Variants in LAMA4 observed in about 807,000 individuals in gnomAD.
LAMA4 encodes laminin subunit alpha 4.
Under a neutral mutation model 207.1 loss-of-function variants are expected in LAMA4, and 127 were observed. The observed-to-expected ratio is 0.61, with a 90% CI of 0.53 to 0.71. The LOEUF (loss-of-function observed/expected upper bound fraction) is 0.71, where lower values mean the gene tolerates loss of function less well. Among genes scored for constraint, LAMA4 ranks in the 30% least tolerant of loss-of-function variants. LAMA4 has a pLI of 0.00. For synonymous variants in LAMA4, 761 were observed against 816.0 expected (o/e 0.93, Z 1.15); for missense variants, 2,093 against 2,246.5 (o/e 0.93, Z 1.38).
At position 112,214,732 on chromosome 6, in the gene LAMA4, T is replaced by C. The variant is rs78147448; in HGVS notation, c.297+1636A>G. On this transcript the variant is annotated intron_variant, in intron 3 of 38. Coordinates refer to ENST00000230538, the MANE Select transcript of LAMA4 (RefSeq NM_001105206.3). Reference sequence around the variant, plus strand: ...CAGCTTCACTGAGTGCACATGTAAATGTGTATATGCTAGCCCATCCCTAAA... The same window carrying C: ...CAGCTTCACTGAGTGCACATGTAAACGTGTATATGCTAGCCCATCCCTAAA... Among the ~76,000 whole-genome samples the C allele has an allele frequency of 6.5e-4, 99 of 152,294 alleles. 2 individuals are homozygous for C. The East Asian group carries it at 0.018, about 28-fold the overall frequency.
chr6:112,124,463 T>A (rs940022200), intron 31 of LAMA4, among the ~76,000 whole-genome samples: 2 of 152,204 alleles, frequency 1.3e-5, no homozygotes, highest in Admixed American at 1.3e-4. Flanking sequence ...CAGATACACA[T>A]TCACACTCTT....
chr6:112,196,775 T>C (rs1783443704), intron 5 of LAMA4, among the ~76,000 whole-genome samples: 2 of 152,196 alleles, frequency 1.3e-5, no homozygotes, highest in Non-Finnish European at 1.5e-5. Flanking sequence ...TGTCACTACA[T>C]AGTACCTTTT....
Position 112,190,932 on chromosome 6 carries a change from TTTCTTTCTTTCTTTCCTTTCTTTC to T in LAMA4, c.718+680_718+703del, listed in dbSNP as rs1562714456. On this transcript the variant is annotated intron_variant, in intron 6 of 38. Transcript: ENST00000230538. ...CTTTCTTTCTTTCTTTCTTTCTTTC[TTTCTTTCTTTCTTTCCTTTCTTTC>T]TTTCTTTCTTTCTTTCTTTCTTTCT... Among the ~76,000 whole-genome samples, 201 of 88,800 alleles carry T rather than the reference TTTCTTTCTTTCTTTCCTTTCTTTC, an allele frequency of 2.3e-3. 1 individual carries two copies. The highest frequency in any genetic ancestry group is 6.9e-3 in the South Asian group (15 of 2,168). The allele number at this position is 88,800 out of a possible 152,430, so 58.3% of individuals were successfully genotyped here.
Position 112,141,422 on chromosome 6 carries a change from T to A in LAMA4, c.2749A>T (p.Ile917Phe). ...VYNLGTKDVE[I>F]PLDSKPVSSW... The stretch of plus-strand genomic sequence containing the variant: ...CTGACGGGCTTGGAGTCCAGGGGAA[T>A]CTCCACATCTTTAGTTCCCAAATTA... Residue 917 changes from isoleucine to phenylalanine, a missense_variant, in exon 21 of 39, where the codon ATT (isoleucine) becomes TTT (phenylalanine). Physicochemically the swap from Ile to Phe is conservative, Grantham distance 21 (BLOSUM62 0). This residue lies in a region of LAMA4 where 1,704 missense variants were observed against 1,788.4 expected (regional missense o/e 0.95). Coordinates refer to ENST00000230538, the MANE Select transcript of LAMA4 (RefSeq NM_001105206.3). The A allele has an allele frequency of 6.2e-7, 1 of 1,613,436 alleles. No individual in the cohort carries two copies. The highest frequency in any genetic ancestry group is 8.5e-7 in the Non-Finnish European group (1 of 1,179,370).
intron 2 of LAMA4, among the ~76,000 whole-genome samples, chr6:112,252,711 A>G (rs1207418595): frequency 3.3e-5 from 5 of 152,172 alleles, no homozygotes; most frequent in Non-Finnish European, 7.3e-5. Context: ...GGTGGAGATA[A>G]TGCTTCCCTG....
chr6:112,241,836 A>G (rs1786537538), intron 2 of LAMA4, among the ~76,000 whole-genome samples: 1 of 152,152 alleles, frequency 6.6e-6, no homozygotes, highest in African/African-American at 2.4e-5. Flanking sequence ...TCCCTATAGA[A>G]AAGGACCAGC....
Position 112,230,809 on chromosome 6 carries a change from A to C in LAMA4, c.196-14340T>G, listed in dbSNP as rs1345049763. Among the ~76,000 whole-genome samples the C allele has an allele frequency of 2.0e-5, 3 of 152,218 alleles. No individual in the cohort carries two copies. In the East Asian group the frequency reaches 5.8e-4, roughly 29 times the overall value. On this transcript the variant is annotated intron_variant, in intron 2 of 38. Transcript: ENST00000230538. ...GCCTTCATAGAGCAGATGCTTAATC[A>C]ATATGTATTGGATGTGTCTTGGCAT...
intron 16 of LAMA4, among the ~76,000 whole-genome samples, chr6:112,153,668 A>T (rs1361210336): frequency 2.0e-5 from 3 of 152,128 alleles, no homozygotes; most frequent in Non-Finnish European, 4.4e-5. Flanking sequence ...GATCTTCACA[A>T]GAAACAAAAG....
At chr6:112,190,923 C>CT (rs1166578628) in intron 6 of LAMA4, among the ~76,000 whole-genome samples, 36 of 97,348 alleles carry the variant, frequency 3.7e-4, no homozygotes, top group African/African-American at 1.2e-3. Flanking sequence ...TTCTTTCTTT[C>CT]TTTCTTTCTT....
intron 5 of LAMA4, among the ~76,000 whole-genome samples, chr6:112,194,675 T>C (rs1554350017): frequency 1.3e-5 from 2 of 152,218 alleles, no homozygotes; most frequent in African/African-American, 4.8e-5. Context: ...AGGCTTAATG[T>C]TCTTTCCACT....
chr6:112,159,442 C>G lies in LAMA4; in HGVS notation c.1669-562G>C, dbSNP rs79463860. Reference sequence around the variant, plus strand: ...TAAAAATCACCTTGTAACACAGGCTCTCTTGGTTTTTAATACAACCACAGA... The same window carrying G: ...TAAAAATCACCTTGTAACACAGGCTGTCTTGGTTTTTAATACAACCACAGA... On this transcript the variant is annotated intron_variant, in intron 13 of 38. Transcript: ENST00000230538. 858 of 158,084 alleles carry G rather than the reference C, an allele frequency of 5.4e-3. 12 individuals carry two copies. The highest frequency in any genetic ancestry group is 0.02 in the African/African-American group (823 of 41,588). 9.8% of individuals were successfully genotyped at this position (158,084 alleles called of 1,614,324 possible).
intron 16 of LAMA4, among the ~76,000 whole-genome samples, chr6:112,152,245 T>C (rs1780445653): frequency 6.6e-6 from 1 of 152,180 alleles, no homozygotes; most frequent in African/African-American, 2.4e-5. Flanking sequence ...TCTTTAAATG[T>C]TTAAGAATTC....
In LAMA4 at chr6:112,187,481, T is replaced by C; in HGVS notation, c.935A>G (p.Asn312Ser). Residue 312 changes from asparagine to serine, a missense_variant, in exon 8 of 39, where the codon AAT becomes AGT. By Grantham distance (46) the Asn-to-Ser change is conservative (BLOSUM62 1). This residue lies in a region of LAMA4 where 1,704 missense variants were observed against 1,788.4 expected (regional missense o/e 0.95). Coordinates refer to ENST00000230538, the MANE Select transcript of LAMA4 (RefSeq NM_001105206.3). ...GAGGTAGATGGTGGCGTTGATTTCA[T>C]TCACGTGCCTATGAGCGGCGGCCCC... ...SSGAAAHRHV[N>S]EINATIYLLK... is the part of the protein sequence containing the mutation. 5.0e-6 allele frequency: 8 copies of C among 1,614,088 alleles called. No individual in the cohort carries two copies. The highest frequency in any genetic ancestry group is 6.8e-6 in the Non-Finnish European group (8 of 1,180,010).
At chr6:112,154,083 C>T (rs1443241007) in intron 16 of LAMA4, among the ~76,000 whole-genome samples, 2 of 152,070 alleles carry the variant, frequency 1.3e-5, no homozygotes, top group Admixed American at 1.3e-4. Context: ...AATTTCCAAC[C>T]TCATTAGTCA....
intron 13 of LAMA4, among the ~76,000 whole-genome samples, chr6:112,162,965 CTTTTTTTTT>C (rs34824903): frequency 8.8e-5 from 8 of 91,282 alleles, no homozygotes; most frequent in African/African-American, 3.7e-4. Context: ...CAGCTCAAAT[CTTTTTTTTT>C]TTTTTTTTTT....
At chr6:112,130,206 G>GA (rs1442284547) in intron 29 of LAMA4, 166 bp from the exon 30 acceptor site, 1 of 624,248 alleles carries the variant, frequency 1.6e-6, no homozygotes, top group African/African-American at 1.9e-5. Context: ...AAAATGGTTG[G>GA]ATATTTCTAT....
At chr6:112,240,629 C>A (rs1554187459) in intron 2 of LAMA4, among the ~76,000 whole-genome samples, 2 of 152,148 alleles carry the variant, frequency 1.3e-5, no homozygotes, top group African/African-American at 4.8e-5. Context: ...TTAGATCCCA[C>A]AAATAAGTGA....
At chr6:112,202,319 T>C (rs1326197545) in intron 4 of LAMA4, among the ~76,000 whole-genome samples, 2 of 152,096 alleles carry the variant, frequency 1.3e-5, no homozygotes, top group African/African-American at 4.8e-5. Flanking sequence ...GACAAAAAAG[T>C]AATAAAAATA....
chr6:112,185,103 T>G, intron 9 of LAMA4, 134 bp downstream of exon 9: 1 of 736,778 alleles, frequency 1.4e-6, no homozygotes. Context: ...GGTCTTGATT[T>G]ATTTTAAGGC....
Sources: gnomAD v4.1 joint callset for allele counts (sites outside exome capture counted in the v4.1 genomes callset) on GRCh38, gnomAD v4.1.1 for gene constraint, gnomAD v4.1.1 regional missense constraint, MANE v1.5 for transcripts, NCBI Gene and HGNC (gene_info 2026-07-23, HGNC 2026-07-21) for gene names.